The following IL1RAPL1 variants were observed in gnomAD, a reference collection of about 807,000 sequenced individuals.
IL1RAPL1 encodes the protein interleukin-1 receptor accessory protein-like 1.
Under a neutral mutation model 48.4 loss-of-function variants are expected in IL1RAPL1, and 3 were observed. The observed-to-expected ratio is 0.06, with a 90% CI of 0.03 to 0.16. IL1RAPL1 has a LOEUF of 0.16. Ranked by LOEUF, IL1RAPL1 falls within the 10% of genes least tolerant of loss-of-function variation. The pLI is 1.00. For missense variants in IL1RAPL1, 349 were observed against 530.6 expected (o/e 0.66, Z 3.36); for synonymous variants, 185 against 187.7 (o/e 0.99, Z 0.12).
intron 2 of IL1RAPL1, among the ~76,000 whole-genome samples, chrX:29,132,504 A>G (rs1929042947): frequency 8.9e-6 from 1 of 112,281 alleles, no homozygotes; most frequent in Admixed American, 9.5e-5. Flanking sequence ...AATAGGCTGT[A>G]CCATATAGCC....
At position 28,661,754 on chromosome X, in the gene IL1RAPL1, GAATAA is replaced by G. The variant is rs779097928; in HGVS notation, c.-25+73712_-25+73716del. Reference sequence around the variant, plus strand: ...CATTTGATACCCAGTGGACAAATTAGAATAAAATATTATAATGTTCAAAGAACACT... The same window carrying G: ...CATTTGATACCCAGTGGACAAATTAGAATATTATAATGTTCAAAGAACACT... On this transcript the variant is annotated intron_variant, in intron 1 of 10. Coordinates refer to ENST00000378993, the MANE Select transcript of IL1RAPL1 (RefSeq NM_014271.4). 2.8e-3 allele frequency among the ~76,000 whole-genome samples: 315 copies of G among 111,766 alleles called. 2 individuals are homozygous for G. The highest frequency in any genetic ancestry group is 4.7e-3 in the Non-Finnish European group (247 of 53,108).
At chrX:29,540,405 T>C (rs1394764974) in intron 5 of IL1RAPL1, among the ~76,000 whole-genome samples, 1 of 111,594 alleles carries the variant, frequency 9.0e-6, no homozygotes, top group Non-Finnish European at 1.9e-5. Context: ...ACCAACATCG[T>C]TTTTCACAGA....
intron 2 of IL1RAPL1, among the ~76,000 whole-genome samples, chrX:28,810,160 C>T (rs1049300566): frequency 2.7e-5 from 3 of 109,942 alleles, no homozygotes; most frequent in Non-Finnish European, 5.7e-5. Context: ...GCAGGCAGCT[C>T]AGTGGACAGG....
rs1040045748 is a variant in IL1RAPL1 at position 29,736,717 on chromosome X, G to T, written c.778+68213G>T. Among the ~76,000 whole-genome samples, 3 of 111,794 alleles carry T rather than the reference G, an allele frequency of 2.7e-5. No individual in the cohort carries two copies. The Admixed American group carries it at 2.8e-4, about 11-fold the overall frequency. ...CTCCAGCCTGGGCAACAGAGACTCC[G>T]TCTCAAGAAAAAAAGAACTTGTTTG... is the stretch of plus-strand genomic sequence containing the variant. On this transcript the variant is annotated intron_variant, in intron 6 of 10. Coordinates refer to ENST00000378993, the MANE Select transcript of IL1RAPL1 (RefSeq NM_014271.4).
chrX:29,562,699 A>C (rs1311041005), intron 5 of IL1RAPL1, among the ~76,000 whole-genome samples: 52 of 112,073 alleles, frequency 4.6e-4, no homozygotes, highest in African/African-American at 1.4e-3. Flanking sequence ...TGCAAATTAG[A>C]GAGTTAAATT....
intron 2 of IL1RAPL1, among the ~76,000 whole-genome samples, chrX:28,930,764 C>T (rs1007625228): frequency 4.8e-4 from 53 of 111,529 alleles, no homozygotes; most frequent in African/African-American, 1.7e-3. Context: ...GCCTCAGTCT[C>T]CCGAGTAGCT....
intron 6 of IL1RAPL1, among the ~76,000 whole-genome samples, chrX:29,671,446 C>T (rs927576310): frequency 8.9e-6 from 1 of 111,878 alleles, no homozygotes; most frequent in Non-Finnish European, 1.9e-5. Flanking sequence ...TGTAAATTGT[C>T]GGCTTTGAAT....
chrX:28,603,892 G>T (rs1934054698), intron 1 of IL1RAPL1, among the ~76,000 whole-genome samples: 1 of 112,417 alleles, frequency 8.9e-6, no homozygotes, highest in Admixed American at 9.4e-5. Context: ...ATGGGTACAG[G>T]TATATCACAT....
intron 6 of IL1RAPL1, among the ~76,000 whole-genome samples, chrX:29,764,996 T>G (rs1441882260): frequency 8.9e-6 from 1 of 112,478 alleles, no homozygotes; most frequent in Non-Finnish European, 1.9e-5. Flanking sequence ...CAAATGACTC[T>G]TACAATAAAC....
intron 2 of IL1RAPL1, among the ~76,000 whole-genome samples, chrX:29,090,896 C>T (rs1928074790): frequency 8.9e-6 from 1 of 112,105 alleles, no homozygotes; most frequent in Admixed American, 9.5e-5. Context: ...ACTTTCTCTG[C>T]ATGGCTTTTC....
At chrX:29,396,799 A>G (rs940420416) in intron 4 of IL1RAPL1, among the ~76,000 whole-genome samples, 6 of 111,998 alleles carry the variant, frequency 5.4e-5, no homozygotes, top group Non-Finnish European at 1.1e-4. Context: ...GTGTCCCCAA[A>G]CAAAAGGAAA....
intron 5 of IL1RAPL1, among the ~76,000 whole-genome samples, chrX:29,412,542 TTTAG>T (rs764929994): frequency 2.7e-5 from 3 of 112,798 alleles, no homozygotes; most frequent in East Asian, 5.5e-4. Context: ...AGTGATAATA[TTTAG>T]TTAAATAAGA....
intron 3 of IL1RAPL1, among the ~76,000 whole-genome samples, chrX:29,285,479 C>T (rs1932267817): frequency 1.2e-5 from 1 of 86,941 alleles, no homozygotes; most frequent in Non-Finnish European, 2.1e-5. Flanking sequence ...TTGCAGTGAG[C>T]CGAGATCGCG....
chrX:28,673,896 G>C (rs1015974400), intron 1 of IL1RAPL1, among the ~76,000 whole-genome samples: 2 of 111,819 alleles, frequency 1.8e-5, no homozygotes, highest in African/African-American at 6.5e-5. Flanking sequence ...TGAAAGCCCT[G>C]TGTATGGTCA....
chrX:29,076,121 G>A (rs1927664167), intron 2 of IL1RAPL1, among the ~76,000 whole-genome samples: 1 of 111,842 alleles, frequency 8.9e-6, no homozygotes, highest in South Asian at 3.7e-4. Flanking sequence ...CATGTTAAAT[G>A]TCTTAAAGGT....
intron 2 of IL1RAPL1, among the ~76,000 whole-genome samples, chrX:29,126,970 A>G (rs914464916): frequency 4.5e-5 from 5 of 111,626 alleles, no homozygotes; most frequent in African/African-American, 1.3e-4. Context: ...TGTAATTACT[A>G]TCTGCAGGTC....
intron 1 of IL1RAPL1, among the ~76,000 whole-genome samples, chrX:28,617,057 A>C (rs1934228667): frequency 8.9e-6 from 1 of 112,614 alleles, no homozygotes; most frequent in Non-Finnish European, 1.9e-5. Context: ...GAGAACTTTA[A>C]AACTTTCAAT....
chrX:29,790,230 A>G (rs867722509), intron 6 of IL1RAPL1, among the ~76,000 whole-genome samples: 6 of 112,202 alleles, frequency 5.3e-5, no homozygotes, highest in African/African-American at 1.9e-4. Context: ...AATTACAGCA[A>G]TATACTTAGT....
chrX:29,497,461 A>G (rs1157581093), intron 5 of IL1RAPL1, among the ~76,000 whole-genome samples: 4 of 111,533 alleles, frequency 3.6e-5, no homozygotes, highest in Non-Finnish European at 7.5e-5. Flanking sequence ...TCCATGTAGG[A>G]GCTACATGGC....
Sources: allele counts gnomAD v4.1 joint callset (sites outside exome capture counted in the v4.1 genomes callset), GRCh38; gene constraint gnomAD v4.1.1; transcripts MANE v1.5; gene names NCBI Gene and HGNC (gene_info 2026-07-23, HGNC 2026-07-21).